Variants in MCUR1 observed in about 807,000 individuals in gnomAD.
MCUR1 encodes the protein MCU regulator 1.
A neutral mutation model predicts 42.0 loss-of-function variants in MCUR1; 37 were observed. That is an observed-to-expected ratio of 0.88 (90% CI 0.68 to 1.16). The LOEUF (loss-of-function observed/expected upper bound fraction) is 1.16, where lower values mean the gene tolerates loss of function less well. Among genes scored for constraint, MCUR1 ranks in the 50% most tolerant of loss-of-function variants. The pLI, the probability that MCUR1 is intolerant of heterozygous loss-of-function variation, is 0.00. For missense variants in MCUR1, 469 were observed against 468.4 expected (o/e 1.00, Z -0.01); for synonymous variants, 229 against 196.2 (o/e 1.17, Z -1.40).
intron 6 of MCUR1, among the ~76,000 whole-genome samples, chr6:13,796,411 C>T (rs1031817067): frequency 2.6e-5 from 4 of 151,704 alleles, no homozygotes; most frequent in Admixed American, 2.6e-4. Context: ...CCTCAGTCTC[C>T]CGAGTAGCTG....
rs1167051984 is a variant in MCUR1 at position 13,801,290 on chromosome 6, C to A, written c.739G>T (p.Glu247Ter). The A allele has an allele frequency of 1.9e-6, 3 of 1,603,972 alleles. No homozygotes were observed. The highest frequency in any genetic ancestry group is 2.6e-6 in the Non-Finnish European group (3 of 1,171,956). The change falls in exon 4 of 9, where the codon GAG (glutamate) becomes TAG (stop). Residue 247 changes from glutamate to a stop codon, truncating the protein, a stop_gained and splice_region_variant. Coordinates refer to ENST00000379170, the MANE Select transcript of MCUR1 (RefSeq NM_001031713.4). LOFTEE classifies it high-confidence loss of function. Reference sequence around the variant, plus strand: ...AAGTGTGAGAGGCTCTGTTTTACCTCATTTTCTGCTCTGAGGGCTGAAAAT... The same window carrying A: ...AAGTGTGAGAGGCTCTGTTTTACCTAATTTTCTGCTCTGAGGGCTGAAAAT... ...SEFSALRAEN[E>*]KIKLELHQLK... is the part of the protein sequence containing the mutation.
Position 13,793,901 on chromosome 6 carries a change from A to C in MCUR1, c.902T>G (p.Val301Gly). ...CACAGTCTTGTTTCTTACCAATGCCACTATTTCTGTTCTCAATTCCAGCAG... is the reference window on the plus strand; with the variant it reads ...CACAGTCTTGTTTCTTACCAATGCCCCTATTTCTGTTCTCAATTCCAGCAG... The part of the protein sequence containing the change: ...KKLLELRTEI[V>G]ALHAQQDRAL... Residue 301 changes from valine to glycine, a missense_variant, in exon 7 of 9, where the codon GTG becomes GGG. Val to Gly is a moderately radical substitution (Grantham distance 109, BLOSUM62 -3). Coordinates refer to ENST00000379170, the MANE Select transcript of MCUR1 (RefSeq NM_001031713.4). 1 of 1,613,472 alleles carries C rather than the reference A, an allele frequency of 6.2e-7. No homozygotes were observed. Among genetic ancestry groups the C allele is most frequent in the Non-Finnish European group, 8.5e-7 (1 of 1,179,778 alleles).
rs1373851516 is a variant in MCUR1 at position 13,789,083 on chromosome 6, C to T, written c.*1726G>A. 6.6e-6 allele frequency: 1 copy of T among 152,258 alleles called. No homozygotes were observed. Among genetic ancestry groups the T allele is most frequent in the Non-Finnish European group, 1.5e-5 (1 of 68,062 alleles). The allele number at this position is 152,258 out of a possible 1,614,324, so 9.4% of individuals were successfully genotyped here. On this transcript the variant is annotated 3_prime_UTR_variant, in exon 9 of 9. Coordinates refer to ENST00000379170, the MANE Select transcript of MCUR1 (RefSeq NM_001031713.4). Reference sequence around the variant, plus strand: ...AGCTTCTATCCATGTCATTGTCTCTCTTGCCCATGTGCCAGTAATTTGAAT... The same window carrying T: ...AGCTTCTATCCATGTCATTGTCTCTTTTGCCCATGTGCCAGTAATTTGAAT...
intron 1 of MCUR1, among the ~76,000 whole-genome samples, chr6:13,811,909 C>A (rs1304011260): frequency 6.6e-6 from 1 of 151,966 alleles, no homozygotes; most frequent in Non-Finnish European, 1.5e-5. Flanking sequence ...CCAGAAACAG[C>A]AAGCTTATTT....
At chr6:13,792,013 A>G in intron 7 of MCUR1, 21 bp from the exon 8 acceptor site, 2 of 1,574,974 alleles carry the variant, frequency 1.3e-6, no homozygotes, top group Non-Finnish European at 1.7e-6. Context: ...GAAGAGAGTC[A>G]CAGCGTTAGA....
At position 13,814,458 on chromosome 6, in the gene MCUR1, C is replaced by G; in HGVS notation, c.-29G>C. On this transcript the variant is annotated 5_prime_UTR_variant, in exon 1 of 9. Coordinates refer to ENST00000379170, the MANE Select transcript of MCUR1 (RefSeq NM_001031713.4). Reference sequence around the variant, plus strand: ...CGAGCAGTTCACTGGCCCGGGCGCGCGCTCATGCCTCTCGCTTTTGGCGCC... The same window carrying G: ...CGAGCAGTTCACTGGCCCGGGCGCGGGCTCATGCCTCTCGCTTTTGGCGCC... The G allele has an allele frequency of 6.8e-7, 1 of 1,467,914 alleles. No homozygotes were observed. Among genetic ancestry groups the G allele is most frequent in the African/African-American group, 1.5e-5 (1 of 68,212 alleles). 90.9% of individuals were successfully genotyped at this position (1,467,914 alleles called of 1,614,324 possible).
At position 13,814,480 on chromosome 6, in the gene MCUR1, C is replaced by T. The variant is rs1169225833; in HGVS notation, c.-51G>A. On this transcript the variant is annotated 5_prime_UTR_variant, in exon 1 of 9. Coordinates refer to ENST00000379170, the MANE Select transcript of MCUR1 (RefSeq NM_001031713.4). The stretch of plus-strand genomic sequence containing the variant: ...GCGCGCTCATGCCTCTCGCTTTTGG[C>T]GCCGGCCACGCGCGGTCCAGGCCCA... 4.9e-6 allele frequency: 7 copies of T among 1,422,946 alleles called. No individual in the cohort carries two copies. Among genetic ancestry groups the T allele is most frequent in the Non-Finnish European group, 6.4e-6 (7 of 1,096,628 alleles). 88.1% of individuals were successfully genotyped at this position (1,422,946 alleles called of 1,614,324 possible). A position where few individuals can be genotyped will look rare whatever the true frequency, so the allele number is the denominator to read the frequency against.
chr6:13,811,175 C>CTTT (rs1255816880), intron 1 of MCUR1, among the ~76,000 whole-genome samples: 3 of 152,102 alleles, frequency 2.0e-5, no homozygotes, highest in African/African-American at 7.2e-5. Context: ...TTATTGAGCC[C>CTTT]ATACCTGTGT....
At chr6:13,809,992 C>T (rs1760197505) in intron 1 of MCUR1, among the ~76,000 whole-genome samples, 2 of 152,174 alleles carry the variant, frequency 1.3e-5, no homozygotes, top group East Asian at 1.9e-4. Flanking sequence ...ATCATGAGGT[C>T]AGGCATTCAC....
In MCUR1 at chr6:13,814,440, T is replaced by A; in HGVS notation, c.-11A>T. 1 of 1,505,230 alleles carries A rather than the reference T, an allele frequency of 6.6e-7. No individual in the cohort carries two copies. Among genetic ancestry groups the A allele is most frequent in the South Asian group, 1.2e-5 (1 of 80,682 alleles). 93.2% of individuals were successfully genotyped at this position (1,505,230 alleles called of 1,614,324 possible). On this transcript the variant is annotated 5_prime_UTR_variant, in exon 1 of 9. Transcript: ENST00000379170. ...CGAGCCGCAGTCCATCCCCGAGCAG[T>A]TCACTGGCCCGGGCGCGCGCTCATG... is the stretch of plus-strand genomic sequence containing the variant.
chr6:13,797,398 C>T (rs567728898), intron 6 of MCUR1, among the ~76,000 whole-genome samples: 2 of 152,158 alleles, frequency 1.3e-5, no homozygotes, highest in African/African-American at 2.4e-5. Context: ...AGAGGCAACC[C>T]GACACATATC....
At chr6:13,797,319 A>T (rs1759876958) in intron 6 of MCUR1, among the ~76,000 whole-genome samples, 1 of 152,210 alleles carries the variant, frequency 6.6e-6, no homozygotes, top group African/African-American at 2.4e-5. Flanking sequence ...AAGGCACCTG[A>T]TGTTACCAAA....
At chr6:13,811,308 G>C (rs1405003193) in intron 1 of MCUR1, among the ~76,000 whole-genome samples, 1 of 151,966 alleles carries the variant, frequency 6.6e-6, no homozygotes, top group African/African-American at 2.4e-5. Context: ...TTAGCATCTG[G>C]CAAGGGGCCT....
chr6:13,810,047 AC>A (rs1760198754), intron 1 of MCUR1, among the ~76,000 whole-genome samples: 1 of 151,910 alleles, frequency 6.6e-6, no homozygotes, highest in African/African-American at 2.4e-5. Context: ...TACTAAAAAT[AC>A]AAAAATTAGC....
chr6:13,801,996 T>C (rs1369816924), intron 3 of MCUR1, among the ~76,000 whole-genome samples: 1 of 152,200 alleles, frequency 6.6e-6, no homozygotes, highest in Non-Finnish European at 1.5e-5. Context: ...TCTCCATTTA[T>C]TAAAGTATAT....
intron 7 of MCUR1, 41 bp from the exon 8 acceptor site, chr6:13,792,033 G>GCCCGGCCCAGGCATAGTTTTAAAGTAA: frequency 4.7e-6 from 7 of 1,477,564 alleles, no homozygotes; most frequent in Non-Finnish European, 6.6e-6. Context: ...ACCACAGCAC[G>GCCCGGCCCAGGCATAGTTTTAAAGTAA]TCCCCTCTGC....
rs569841574 is a variant in MCUR1, at chr6:13,789,866, A to C, written c.*943T>G. ...AAAATCTTGCATTCTAAGAGGTAAG[A>C]GTCCCCATTACAATTGCAATGCTTC... On this transcript the variant is annotated 3_prime_UTR_variant, in exon 9 of 9. Transcript: ENST00000379170. 2.6e-5 allele frequency: 4 copies of C among 152,324 alleles called. No homozygotes were observed. The East Asian group carries it at 7.7e-4, about 29-fold the overall frequency. 9.4% of individuals were successfully genotyped at this position (152,324 alleles called of 1,614,324 possible).
chr6:13,805,656 A>C (rs1386439440), intron 2 of MCUR1, among the ~76,000 whole-genome samples: 1 of 152,210 alleles, frequency 6.6e-6, no homozygotes, highest in Non-Finnish European at 1.5e-5. Flanking sequence ...TAGGCATGTA[A>C]AGTACCTCTA....
Position 13,814,222 on chromosome 6 carries a change from G to A in MCUR1, c.208C>T (p.Leu70Phe), listed in dbSNP as rs766254890. 14 of 1,461,662 alleles carry A rather than the reference G, an allele frequency of 9.6e-6. No homozygotes were observed. The South Asian group carries it at 1.7e-4, about 18-fold the overall frequency. 90.5% of individuals were successfully genotyped at this position (1,461,662 alleles called of 1,614,324 possible). ...RGGVSRASPLLLLLLVPSPRL... is the reference protein window; with the variant it reads ...RGGVSRASPLFLLLLVPSPRL... ...GGGGAGGGCACTAGCAGGAGGAGGA[G>A]CAGCGGTGAGGCACGTGACACGCCG... The change falls in exon 1 of 9, where the codon CTC becomes TTC. Residue 70 changes from leucine (L) to phenylalanine (F), a missense_variant. Coordinates refer to ENST00000379170, the MANE Select transcript of MCUR1 (RefSeq NM_001031713.4).
Sources: gnomAD v4.1 joint callset for allele counts (sites outside exome capture counted in the v4.1 genomes callset) on GRCh38, gnomAD v4.1.1 for gene constraint, MANE v1.5 for transcripts, NCBI Gene and HGNC (gene_info 2026-07-23, HGNC 2026-07-21) for gene names.